Variants in ANKFN1 observed in about 807,000 individuals in gnomAD.
ANKFN1 encodes ankyrin repeat and fibronectin type III domain containing 1.
ANKFN1 carries 74 observed loss-of-function variants against 108.7 expected under a neutral mutation model. The observed-to-expected ratio is 0.68, with a 90% confidence interval of 0.56 to 0.83. The LOEUF is 0.83. ANKFN1 is among the 40% of genes least tolerant of loss of function. The pLI is 0.00. For missense variants in ANKFN1, 1,505 were observed against 1,382.3 expected (o/e 1.09, Z -1.41); for synonymous variants, 547 against 516.2 (o/e 1.06, Z -0.81).
intron 14 of ANKFN1, 151 bp downstream of exon 14, chr17:56,458,130 C>T (rs927856806): frequency 3.1e-5 from 20 of 650,782 alleles, no homozygotes; most frequent in Admixed American, 1.1e-4. Context: ...GCTGGAGCTG[C>T]GTACCTGTAG....
At chr17:56,285,895 G>A (rs1010627640) in intron 3 of ANKFN1, among the ~76,000 whole-genome samples, 1 of 151,970 alleles carries the variant, frequency 6.6e-6, no homozygotes, top group African/African-American at 2.4e-5. Context: ...GATCTCCCCA[G>A]TGTTGACCTA....
chr17:56,405,021 G>A (rs924000983), intron 8 of ANKFN1, among the ~76,000 whole-genome samples: 1 of 152,310 alleles, frequency 6.6e-6, no homozygotes, highest in Admixed American at 6.5e-5. Flanking sequence ...CCACCTATGG[G>A]TCTGTCAGCC....
intron 3 of ANKFN1, chr17:56,258,367 T>C (rs1182784572): frequency 2.0e-5 from 3 of 152,200 alleles, no homozygotes; most frequent in Non-Finnish European, 4.4e-5. Flanking sequence ...AAATGGTTGC[T>C]ATGATGCTAT....
intron 16 of ANKFN1, among the ~76,000 whole-genome samples, chr17:56,479,606 A>AG (rs2050623756): frequency 6.6e-6 from 1 of 152,336 alleles, no homozygotes; most frequent in African/African-American, 2.4e-5. Flanking sequence ...CTTTTCTAAG[A>AG]GGGTAGTTAG....
At chr17:56,156,325 TG>T (rs1268841619) in intron 1 of ANKFN1, among the ~76,000 whole-genome samples, 1 of 152,118 alleles carries the variant, frequency 6.6e-6, no homozygotes, top group Non-Finnish European at 1.5e-5. Flanking sequence ...TGGCCTCAAG[TG>T]GTCCACCCAC....
At chr17:56,314,185 T>A (rs185818857) in intron 3 of ANKFN1, among the ~76,000 whole-genome samples, 2 of 152,360 alleles carry the variant, frequency 1.3e-5, no homozygotes, top group East Asian at 3.9e-4. Context: ...ACTCTATTCA[T>A]GATATTTGGG....
intron 3 of ANKFN1, among the ~76,000 whole-genome samples, chr17:56,287,116 A>G (rs2044239119): frequency 6.6e-6 from 1 of 152,182 alleles, no homozygotes; most frequent in South Asian, 2.1e-4. Context: ...CAGATAAGGC[A>G]GGCCTTATTC....
intron 2 of ANKFN1, among the ~76,000 whole-genome samples, chr17:56,226,138 G>A (rs2143898519): frequency 6.6e-6 from 1 of 152,222 alleles, no homozygotes; most frequent in East Asian, 1.9e-4. Flanking sequence ...GGGAGGAAAT[G>A]TGTGTCAGGT....
intron 20 of ANKFN1, among the ~76,000 whole-genome samples, chr17:56,503,175 C>T (rs2051431132): frequency 1.3e-5 from 2 of 151,558 alleles, no homozygotes; most frequent in African/African-American, 4.9e-5. Context: ...CCTAGTGACA[C>T]ATGGGTGAGG....
intron 4 of ANKFN1, among the ~76,000 whole-genome samples, chr17:56,082,335 A>T (rs887886078): frequency 6.6e-5 from 10 of 151,462 alleles, no homozygotes; most frequent in Admixed American, 1.3e-4. Flanking sequence ...GGCTTCTCCA[A>T]GTTTTGTCTG....
chr17:56,447,049 C>T (rs901275501), intron 10 of ANKFN1, among the ~76,000 whole-genome samples: 1 of 152,094 alleles, frequency 6.6e-6, no homozygotes, highest in Non-Finnish European at 1.5e-5. Context: ...ATGGTGAAAC[C>T]CTGTCTCTAC....
chr17:56,375,441 T>C (rs1349911413), intron 8 of ANKFN1, among the ~76,000 whole-genome samples: 1 of 152,040 alleles, frequency 6.6e-6, no homozygotes, highest in Non-Finnish European at 1.5e-5. Flanking sequence ...GATGTTAAGA[T>C]TAAAGAATGA....
rs190622971 is a variant in ANKFN1, at chr17:56,363,372, A to G, written c.602-9274A>G. 4.5e-3 allele frequency among the ~76,000 whole-genome samples: 692 copies of G among 152,352 alleles called. 3 individuals carry two copies. The highest frequency in any genetic ancestry group is 0.024 in the Middle Eastern group (7 of 294). On this transcript the variant is annotated intron_variant, in intron 6 of 20. Coordinates refer to ENST00000682825, the MANE Select transcript of ANKFN1 (RefSeq NM_001370326.1). ...CAAATTAAGATCACAATGAGAAATG[A>G]GATATCATCTAACACCTGTCAGACT...
intron 3 of ANKFN1, among the ~76,000 whole-genome samples, chr17:56,314,543 A>G (rs1409161481): frequency 6.6e-6 from 1 of 152,188 alleles, no homozygotes; most frequent in Non-Finnish European, 1.5e-5. Flanking sequence ...GACCATTTGT[A>G]TATCTTCTAT....
At chr17:56,164,882 C>G (rs979164640) in intron 1 of ANKFN1, among the ~76,000 whole-genome samples, 1 of 152,098 alleles carries the variant, frequency 6.6e-6, no homozygotes, top group Non-Finnish European at 1.5e-5. Flanking sequence ...TTATAACCTA[C>G]GAAGAAGAAA....
intron 3 of ANKFN1, among the ~76,000 whole-genome samples, chr17:56,238,727 T>G (rs1917352080): frequency 6.6e-6 from 1 of 152,160 alleles, no homozygotes; most frequent in Non-Finnish European, 1.5e-5. Flanking sequence ...TCCCTTGTAT[T>G]TAATGCAAGT....
At chr17:56,266,470 C>A (rs771418636) in intron 3 of ANKFN1, among the ~76,000 whole-genome samples, 2 of 152,138 alleles carry the variant, frequency 1.3e-5, no homozygotes, top group Admixed American at 6.5e-5. Flanking sequence ...AAGGTGATAA[C>A]CTACTCTGTG....
At chr17:56,244,918 T>C (rs1036230349) in intron 3 of ANKFN1, among the ~76,000 whole-genome samples, 1 of 152,168 alleles carries the variant, frequency 6.6e-6, no homozygotes, top group Non-Finnish European at 1.5e-5. Flanking sequence ...ACACATTTCC[T>C]TAGTCTTTGT....
intron 15 of ANKFN1, among the ~76,000 whole-genome samples, chr17:56,470,929 C>T (rs1364764770): frequency 6.6e-6 from 1 of 152,198 alleles, no homozygotes; most frequent in Non-Finnish European, 1.5e-5. Context: ...CTCTCAGGTG[C>T]TAAGTTGCTC....
Sources: gnomAD v4.1 joint callset for allele counts (sites outside exome capture counted in the v4.1 genomes callset) on GRCh38, gnomAD v4.1.1 for gene constraint, MANE v1.5 for transcripts, NCBI Gene and HGNC (gene_info 2026-07-23, HGNC 2026-07-21) for gene names.